AGBL1: variants seen among roughly 807,000 people sequenced by gnomAD.
AGBL1 encodes the protein AGBL carboxypeptidase 1, also known as cytosolic carboxypeptidase 4.
A neutral mutation model predicts 118.9 loss-of-function variants in AGBL1; 130 were observed. The observed-to-expected ratio is 1.09, with a 90% CI of 0.95 to 1.26. The LOEUF is 1.26. Among genes scored for constraint, AGBL1 ranks in the 50% most tolerant of loss-of-function variants. The pLI is 0.00. For missense variants in AGBL1, 1,584 were observed against 1,298.1 expected, an observed-to-expected ratio of 1.22 and a Z score of -3.38; for synonymous variants, 555 against 478.9, an observed-to-expected ratio of 1.16 and a Z score of -2.08.
intron 22 of AGBL1, among the ~76,000 whole-genome samples, chr15:86,765,839 G>A (rs1042417144): frequency 4.0e-5 from 6 of 151,870 alleles, no homozygotes; most frequent in Admixed American, 3.9e-4. Context: ...CAGGATTATA[G>A]GGACCTGACA....
chr15:86,090,309 A>G (rs989120981), intron 1 of AGBL1, among the ~76,000 whole-genome samples: 2 of 152,182 alleles, frequency 1.3e-5, no homozygotes, highest in Admixed American at 1.3e-4. Flanking sequence ...CCTGTTCACT[A>G]TTTGTAAAAA....
intron 21 of AGBL1, among the ~76,000 whole-genome samples, chr15:86,671,249 C>T (rs1001533720): frequency 4.6e-5 from 7 of 152,238 alleles, no homozygotes; most frequent in Middle Eastern, 3.4e-3. Context: ...GCCATAGCAA[C>T]CACCTTGCAA....
chr15:86,387,320 G>A (rs2081212265), intron 17 of AGBL1, among the ~76,000 whole-genome samples: 1 of 152,156 alleles, frequency 6.6e-6, no homozygotes, highest in Admixed American at 6.5e-5. Context: ...AGGAGTGACA[G>A]GAAAGGAGAC....
chr15:86,505,186 T>C (rs891472384), intron 18 of AGBL1, among the ~76,000 whole-genome samples: 19 of 151,900 alleles, frequency 1.3e-4, no homozygotes, highest in African/African-American at 4.6e-4. Context: ...CTTTCAAAAT[T>C]CTCTTTGTCT....
At chr15:86,354,642 A>G (rs929628961) in intron 17 of AGBL1, among the ~76,000 whole-genome samples, 1 of 152,232 alleles carries the variant, frequency 6.6e-6, no homozygotes, top group Admixed American at 6.5e-5. Context: ...TTAGTATATC[A>G]AGGAATTCAT....
At chr15:86,894,989 C>G (rs1160385568) in intron 22 of AGBL1, among the ~76,000 whole-genome samples, 1 of 150,792 alleles carries the variant, frequency 6.6e-6, no homozygotes, top group African/African-American at 2.4e-5. Flanking sequence ...GTGACTCTGA[C>G]CACTTGCCAG....
intron 23 of AGBL1, among the ~76,000 whole-genome samples, chr15:86,979,892 C>G (rs2081212613): frequency 6.6e-6 from 1 of 152,098 alleles, no homozygotes; most frequent in East Asian, 1.9e-4. Context: ...TTTCCCTTTC[C>G]CATCCCATAA....
chr15:87,023,327 G>T (rs28866947), intron 24 of AGBL1, among the ~76,000 whole-genome samples: 1 of 151,998 alleles, frequency 6.6e-6, no homozygotes, highest in Non-Finnish European at 1.5e-5. Flanking sequence ...AGCAGGAGTA[G>T]CTATAGTTAT....
intron 21 of AGBL1, among the ~76,000 whole-genome samples, chr15:86,614,629 C>G (rs913174850): frequency 6.6e-6 from 1 of 152,156 alleles, no homozygotes; most frequent in African/African-American, 2.4e-5. Context: ...TACTACATCA[C>G]TGAATGTGAT....
rs572584630 is a variant in AGBL1, at chr15:86,685,204, G to T, written c.3158+10768G>T. On this transcript the variant is annotated intron_variant, in intron 22 of 22. Transcript: ENST00000614907. ...GTACTATTTTCTGTTTCTGGACATG[G>T]ACACCTCAGGAGAAAGAAGTGATTA... Among the ~76,000 whole-genome samples, 41 of 152,144 alleles carry T rather than the reference G, an allele frequency of 2.7e-4. 1 individual carries two copies. Among genetic ancestry groups the T allele is most frequent in the Admixed American group, 2.6e-3 (40 of 15,260 alleles).
intron 21 of AGBL1, among the ~76,000 whole-genome samples, chr15:86,561,993 C>A (rs1254842882): frequency 6.6e-6 from 1 of 152,098 alleles, no homozygotes; most frequent in South Asian, 2.1e-4. Context: ...GTGATTTTTG[C>A]ACATTGATTT....
intron 22 of AGBL1, among the ~76,000 whole-genome samples, chr15:86,725,739 T>C (rs1567142287): frequency 6.6e-6 from 1 of 152,194 alleles, no homozygotes; most frequent in Non-Finnish European, 1.5e-5. Flanking sequence ...TTGTGAGTTG[T>C]GTTCTGATGC....
At chr15:86,570,748 G>A (rs763434194) in intron 21 of AGBL1, among the ~76,000 whole-genome samples, 1 of 152,136 alleles carries the variant, frequency 6.6e-6, no homozygotes, top group Non-Finnish European at 1.5e-5. Context: ...TGCTATTCAT[G>A]TTTTTATGGG....
chr15:86,196,885 ACACAC>A (rs2077820471), intron 5 of AGBL1, among the ~76,000 whole-genome samples: 1 of 86,538 alleles, frequency 1.2e-5, no homozygotes, highest in Non-Finnish European at 2.3e-5. Flanking sequence ...GCGCGCACAC[ACACAC>A]ACACACACAC....
intron 21 of AGBL1, among the ~76,000 whole-genome samples, chr15:86,564,522 C>T (rs2083882403): frequency 6.6e-6 from 1 of 152,170 alleles, no homozygotes. Context: ...ATGGGCTTCC[C>T]TTTGTGGGTA....
intron 22 of AGBL1, among the ~76,000 whole-genome samples, chr15:86,785,899 C>T (rs559065920): frequency 5.3e-5 from 8 of 152,176 alleles, no homozygotes; most frequent in African/African-American, 1.9e-4. Flanking sequence ...AACAGGAGAG[C>T]TGGGACTACA....
chr15:86,176,294 G>A (rs12902410), intron 5 of AGBL1, among the ~76,000 whole-genome samples: 2 of 151,988 alleles, frequency 1.3e-5, no homozygotes, highest in Non-Finnish European at 2.9e-5. Context: ...TGTGGTCATG[G>A]TGGTGGCAGT....
At chr15:86,900,612 A>G (rs754018874) in intron 22 of AGBL1, among the ~76,000 whole-genome samples, 1 of 152,088 alleles carries the variant, frequency 6.6e-6, no homozygotes, top group Non-Finnish European at 1.5e-5. Context: ...GAGTTCAGAA[A>G]AGATAATCGA....
At chr15:86,972,986 A>G (rs2081126254) in intron 23 of AGBL1, among the ~76,000 whole-genome samples, 1 of 151,864 alleles carries the variant, frequency 6.6e-6, no homozygotes, top group Non-Finnish European at 1.5e-5. Context: ...GGTTAAGAAC[A>G]AAGAATTTGG....
Sources: allele counts gnomAD v4.1 joint callset (sites outside exome capture counted in the v4.1 genomes callset), GRCh38; gene constraint gnomAD v4.1.1; transcripts MANE v1.5; gene names NCBI Gene and HGNC (gene_info 2026-07-23, HGNC 2026-07-21).